GNA14: variants seen among roughly 807,000 people sequenced by gnomAD.
The protein encoded by GNA14 is G protein subunit alpha 14.
In GNA14, 50 loss-of-function variants were observed where a neutral mutation model predicts 42.0. That is an observed-to-expected ratio of 1.19 (90% CI 0.95 to 1.51). The LOEUF (loss-of-function observed/expected upper bound fraction) is 1.51. Among genes scored for constraint, GNA14 ranks in the 40% most tolerant of loss-of-function variants. The pLI is 0.00. For missense variants in GNA14, 473 were observed against 446.2 expected, an observed-to-expected ratio of 1.06 and a Z score of -0.54; for synonymous variants, 173 against 163.1, an observed-to-expected ratio of 1.06 and a Z score of -0.46.
intron 2 of GNA14, among the ~76,000 whole-genome samples, chr9:77,459,724 C>G (rs1380294349): frequency 6.6e-6 from 1 of 152,194 alleles, no homozygotes; most frequent in Non-Finnish European, 1.5e-5. Flanking sequence ...TTCCAAATGT[C>G]AAATGAGCTT....
At chr9:77,569,946 T>C (rs1823036671) in intron 1 of GNA14, among the ~76,000 whole-genome samples, 1 of 152,026 alleles carries the variant, frequency 6.6e-6, no homozygotes, top group African/African-American at 2.4e-5. Flanking sequence ...TTTGTATTTT[T>C]AGTAGAGACG....
chr9:77,433,096 C>T (rs928817243), intron 3 of GNA14, among the ~76,000 whole-genome samples: 1 of 152,158 alleles, frequency 6.6e-6, no homozygotes, highest in Non-Finnish European at 1.5e-5. Context: ...CCAAAGGAAG[C>T]CCATTGAAAC....
At position 77,648,112 on chromosome 9, in the gene GNA14, G is replaced by C. The variant is rs1824390738; in HGVS notation, c.-319C>G. The C allele has an allele frequency of 5.1e-6, 2 of 394,550 alleles. No individual in the cohort carries two copies. Among genetic ancestry groups the C allele is most frequent in the Non-Finnish European group, 9.1e-6 (2 of 219,728 alleles). 24.4% of individuals were successfully genotyped at this position (394,550 alleles called of 1,614,324 possible). ...GGAGCGTTGCTGGCCCCGGGAAGAT[G>C]CGCGCGCCCCTTGGCACAGGAGCCG... On this transcript the variant is annotated 5_prime_UTR_variant, in exon 1 of 7. Transcript: ENST00000341700.
intron 1 of GNA14, among the ~76,000 whole-genome samples, chr9:77,625,433 CAGAT>C (rs1823998265): frequency 1.3e-5 from 2 of 151,858 alleles, no homozygotes; most frequent in African/African-American, 4.8e-5. Context: ...AACCCCAAGA[CAGAT>C]AGTTGTCAGG....
chr9:77,539,456 G>A lies in GNA14; in HGVS notation c.125-10203C>T, dbSNP rs74811655. Among the ~76,000 whole-genome samples, 1,098 of 152,204 alleles carry A rather than the reference G, an allele frequency of 7.2e-3. 15 individuals carry two copies. Among genetic ancestry groups the A allele is most frequent in the African/African-American group, 0.025 (1,041 of 41,528 alleles). ...GCACCTATGTTCATCAGGGATATTC[G>A]CCTGTTGTTTTCTTTTTCTGTTGTG... On this transcript the variant is annotated intron_variant, in intron 1 of 6. Coordinates refer to ENST00000341700, the MANE Select transcript of GNA14 (RefSeq NM_004297.4).
chr9:77,428,034 G>T (rs1250282957), intron 5 of GNA14, among the ~76,000 whole-genome samples: 1 of 149,874 alleles, frequency 6.7e-6, no homozygotes, highest in African/African-American at 2.5e-5. Flanking sequence ...CAGTAAATAT[G>T]AATTTTTAGT....
At chr9:77,480,864 G>A (rs1400348607) in intron 2 of GNA14, among the ~76,000 whole-genome samples, 6 of 152,164 alleles carry the variant, frequency 3.9e-5, no homozygotes, top group African/African-American at 1.4e-4. Context: ...TCTGATGGTA[G>A]TTTGTATTTC....
At chr9:77,608,697 A>G (rs1390650302) in intron 1 of GNA14, among the ~76,000 whole-genome samples, 7 of 145,320 alleles carry the variant, frequency 4.8e-5, no homozygotes, top group African/African-American at 1.5e-4. Flanking sequence ...TGGCCCCATC[A>G]TCCTATCCTG....
At chr9:77,506,283 TAAAAAA>T (rs199978059) in intron 2 of GNA14, among the ~76,000 whole-genome samples, 1 of 126,800 alleles carries the variant, frequency 7.9e-6, no homozygotes, top group African/African-American at 2.9e-5. Flanking sequence ...CCCTGTCTCT[TAAAAAA>T]AAAAAAAAAA....
At chr9:77,483,680 C>G (rs992948866) in intron 2 of GNA14, among the ~76,000 whole-genome samples, 1 of 152,188 alleles carries the variant, frequency 6.6e-6, no homozygotes, top group Admixed American at 6.5e-5. Flanking sequence ...GTGGAGCCTA[C>G]AGAGGCAGGC....
At chr9:77,608,734 T>C (rs78423327) in intron 1 of GNA14, among the ~76,000 whole-genome samples, 1 of 126,632 alleles carries the variant, frequency 7.9e-6, no homozygotes, top group Non-Finnish European at 1.5e-5. Context: ...AATATCCTGT[T>C]TTTTTTTTTT....
At chr9:77,605,737 C>A (rs940871562) in intron 1 of GNA14, among the ~76,000 whole-genome samples, 1 of 152,170 alleles carries the variant, frequency 6.6e-6, no homozygotes, top group Non-Finnish European at 1.5e-5. Flanking sequence ...AGGCCAGAAA[C>A]AGCACTGAGC....
chr9:77,633,454 C>A (rs1029053061), intron 1 of GNA14, among the ~76,000 whole-genome samples: 1 of 152,046 alleles, frequency 6.6e-6, no homozygotes, highest in Non-Finnish European at 1.5e-5. Context: ...CATTAGGGGA[C>A]AGATAAAGGG....
intron 1 of GNA14, among the ~76,000 whole-genome samples, chr9:77,577,201 T>C (rs556927232): frequency 4.6e-5 from 7 of 152,326 alleles, no homozygotes; most frequent in African/African-American, 1.4e-4. Flanking sequence ...CAAGAATTCA[T>C]TTTACTTACA....
chr9:77,533,219 C>G (rs1837553720), intron 1 of GNA14, among the ~76,000 whole-genome samples: 1 of 152,170 alleles, frequency 6.6e-6, no homozygotes, highest in South Asian at 2.1e-4. Flanking sequence ...CTCTGTTGCT[C>G]AGACTGGAGT....
chr9:77,642,577 C>T (rs1380437317), intron 1 of GNA14, among the ~76,000 whole-genome samples: 1 of 151,984 alleles, frequency 6.6e-6, no homozygotes, highest in Non-Finnish European at 1.5e-5. Flanking sequence ...ACCAGCCTGG[C>T]CAACATGGTG....
At chr9:77,618,111 C>T (rs921688126) in intron 1 of GNA14, among the ~76,000 whole-genome samples, 1 of 152,024 alleles carries the variant, frequency 6.6e-6, no homozygotes, top group Non-Finnish European at 1.5e-5. Flanking sequence ...CCACAGAAAG[C>T]TCTCAGATAT....
intron 1 of GNA14, among the ~76,000 whole-genome samples, chr9:77,560,192 A>C (rs1423080014): frequency 6.6e-6 from 1 of 152,184 alleles, no homozygotes; most frequent in Non-Finnish European, 1.5e-5. Context: ...ATATTTAAGG[A>C]AAGTATATAA....
chr9:77,586,882 G>A (rs1449508809), intron 1 of GNA14, among the ~76,000 whole-genome samples: 3 of 152,084 alleles, frequency 2.0e-5, no homozygotes, highest in Non-Finnish European at 2.9e-5. Context: ...TGGTCCCCCA[G>A]GTAGCACTTT....
Sources: gnomAD v4.1 joint callset for allele counts (sites outside exome capture counted in the v4.1 genomes callset) on GRCh38, gnomAD v4.1.1 for gene constraint, MANE v1.5 for transcripts, NCBI Gene and HGNC (gene_info 2026-07-23, HGNC 2026-07-21) for gene names.